COPB1: variants seen among roughly 807,000 people sequenced by gnomAD.
COPB1 encodes the protein coatomer subunit beta.
In COPB1, 21 loss-of-function variants were observed where a neutral mutation model predicts 108.7. That is an observed-to-expected ratio of 0.19 (90% CI 0.14 to 0.28). COPB1 has a LOEUF of 0.28. Among genes scored for constraint, COPB1 ranks in the 10% least tolerant of loss-of-function variants. The pLI is 1.00. For synonymous variants in COPB1, 378 were observed against 386.8 expected, an observed-to-expected ratio of 0.98 and a Z score of 0.27; for missense variants, 919 against 1,141.3, an observed-to-expected ratio of 0.81 and a Z score of 2.81.
intron 20 of COPB1, among the ~76,000 whole-genome samples, chr11:14,459,661 G>A (rs1850103058): frequency 6.6e-6 from 1 of 152,088 alleles, no homozygotes; most frequent in Non-Finnish European, 1.5e-5. Flanking sequence ...TGTCACCCAC[G>A]CTGGAATGCA....
rs1395234327 is a variant in COPB1 at position 14,457,748 on chromosome 11, G to A, written c.*76C>T. On this transcript the variant is annotated 3_prime_UTR_variant, in exon 22 of 22. Coordinates refer to ENST00000439561, the MANE Select transcript of COPB1 (RefSeq NM_001144061.2). The stretch of plus-strand genomic sequence containing the variant: ...ACTCAGATTCTATATAAGCATGAAA[G>A]AGTACAAAAGATGTTGGAGTCCAGT... 1.1e-6 allele frequency: 1 copy of A among 883,586 alleles called. No individual in the cohort carries two copies. Among genetic ancestry groups the A allele is most frequent in the African/African-American group, 1.7e-5 (1 of 60,194 alleles). The allele number at this position is 883,586 out of a possible 1,614,324, so 54.7% of individuals were successfully genotyped here.
intron 21 of COPB1, 98 bp downstream of exon 21, chr11:14,458,433 CT>C: frequency 8.4e-7 from 1 of 1,194,056 alleles, no homozygotes; most frequent in Non-Finnish European, 1.2e-6. Context: ...GTATATGCAT[CT>C]AATGCTAAAA....
intron 20 of COPB1, among the ~76,000 whole-genome samples, chr11:14,459,249 T>C (rs1850091173): frequency 2.4e-5 from 2 of 84,484 alleles, no homozygotes; most frequent in African/African-American, 9.2e-5. Context: ...ATATTCTGTT[T>C]ACTTAACTTG....
intron 18 of COPB1, among the ~76,000 whole-genome samples, chr11:14,461,797 T>G (rs1358020603): frequency 2.0e-5 from 3 of 152,196 alleles, no homozygotes; most frequent in Non-Finnish European, 4.4e-5. Flanking sequence ...TACTTAATGA[T>G]ACAAGATTAG....
In COPB1 at chr11:14,483,694, A is replaced by G. The variant is rs979908877; in HGVS notation, c.838-543T>C. 2.6e-5 allele frequency among the ~76,000 whole-genome samples: 4 copies of G among 152,190 alleles called. No individual in the cohort carries two copies. In the South Asian group the frequency reaches 8.3e-4, roughly 31 times the overall value. On this transcript the variant is annotated intron_variant, in intron 7 of 21. Transcript: ENST00000439561. ...TAGAATAAAATGTCCATACTGATAC[A>G]AAGAAAGAAGGAAGGAAAAGAAGGG...
intron 6 of COPB1, among the ~76,000 whole-genome samples, chr11:14,487,689 C>T (rs1286675988): frequency 1.3e-5 from 2 of 148,954 alleles, no homozygotes; most frequent in South Asian, 4.2e-4. Flanking sequence ...AAACAAAAAA[C>T]AACAAAAAAA....
chr11:14,497,749 G>A (rs972820508), intron 2 of COPB1, among the ~76,000 whole-genome samples: 2 of 152,172 alleles, frequency 1.3e-5, no homozygotes, highest in Non-Finnish European at 2.9e-5. Flanking sequence ...TCCTATGTTT[G>A]TTGCAGCACT....
chr11:14,479,538 G>A (rs369824188), intron 11 of COPB1, 31 bp downstream of exon 11: 277 of 1,573,282 alleles, frequency 1.8e-4, no homozygotes, highest in Non-Finnish European at 2.2e-4. Context: ...ATGCTTACTT[G>A]ACCTTACATT....
chr11:14,481,103 A>G lies in COPB1; in HGVS notation c.958-6T>C. 2 of 1,596,672 alleles carry G rather than the reference A, an allele frequency of 1.3e-6. No individual in the cohort carries two copies. The highest frequency in any genetic ancestry group is 1.7e-6 in the Non-Finnish European group (2 of 1,172,736). Reference sequence around the variant, plus strand: ...AGGATATCCATAACCAGATCCTAAAAAAGAAGAAAAAATCAAGAATTAACA... The same window carrying G: ...AGGATATCCATAACCAGATCCTAAAGAAGAAGAAAAAATCAAGAATTAACA... On this transcript the variant is annotated splice_region_variant and splice_polypyrimidine_tract_variant and intron_variant, in intron 8 of 21. Transcript: ENST00000439561.
At chr11:14,473,086 T>C (rs1361397863) in intron 14 of COPB1, among the ~76,000 whole-genome samples, 3 of 152,170 alleles carry the variant, frequency 2.0e-5, no homozygotes, top group African/African-American at 7.2e-5. Flanking sequence ...ACAATTCTCC[T>C]GCCTCAGCCT....
chr11:14,498,298 T>G (rs1851072612), intron 2 of COPB1, among the ~76,000 whole-genome samples: 1 of 152,230 alleles, frequency 6.6e-6, no homozygotes, highest in Admixed American at 6.5e-5. Context: ...ACATCTACTG[T>G]GTACCCCCAA....
intron 2 of COPB1, among the ~76,000 whole-genome samples, chr11:14,498,321 A>G (rs1851073248): frequency 1.3e-5 from 2 of 152,234 alleles, no homozygotes; most frequent in Admixed American, 1.3e-4. Flanking sequence ...ATTAAACATT[A>G]CAAAAAGTTC....
intron 1 of COPB1, 125 bp downstream of exon 1, chr11:14,499,582 G>GCACCCCCACCCGT (rs1851108629): frequency 9.0e-6 from 1 of 110,664 alleles, no homozygotes; most frequent in Non-Finnish European, 1.9e-5. Flanking sequence ...CCCCCACCCC[G>GCACCCCCACCCGT]ACCCGCACCC....
intron 12 of COPB1, 118 bp from the exon 13 acceptor site, chr11:14,476,063 G>A: frequency 2.5e-6 from 2 of 809,694 alleles, no homozygotes; most frequent in South Asian, 4.2e-5. Flanking sequence ...TTTGGAACTG[G>A]GAACTCTGCT....
At chr11:14,471,909 T>C (rs565501752) in intron 14 of COPB1, among the ~76,000 whole-genome samples, 3 of 151,978 alleles carry the variant, frequency 2.0e-5, no homozygotes, top group African/African-American at 4.8e-5. Flanking sequence ...GCAAGAAGAG[T>C]GAGACTCCGT....
intron 18 of COPB1, among the ~76,000 whole-genome samples, chr11:14,463,741 GTTC>G (rs1850217187): frequency 6.6e-6 from 1 of 152,164 alleles, no homozygotes; most frequent in Non-Finnish European, 1.5e-5. Flanking sequence ...TCTAAAGTTT[GTTC>G]TTCTCTCCTG....
intron 13 of COPB1, among the ~76,000 whole-genome samples, chr11:14,475,084 ACT>A (rs1850491314): frequency 8.1e-6 from 1 of 124,192 alleles, no homozygotes; most frequent in Non-Finnish European, 1.7e-5. Context: ...ACAGAGCAAG[ACT>A]CTGTGTCAAA....
At chr11:14,476,015 G>T in intron 12 of COPB1, 70 bp from the exon 13 acceptor site, 6 of 1,357,682 alleles carry the variant, frequency 4.4e-6, no homozygotes, top group Non-Finnish European at 5.9e-6. Context: ...TTAAATATTT[G>T]ATTGTTTCTC....
intron 14 of COPB1, 107 bp downstream of exon 14, chr11:14,474,388 T>C (rs2134106566): frequency 1.0e-6 from 1 of 988,754 alleles, no homozygotes; most frequent in Middle Eastern, 2.4e-4. Context: ...TCATAAACTC[T>C]TTCATGACAG....
Sources: gnomAD v4.1 joint callset for allele counts (sites outside exome capture counted in the v4.1 genomes callset) on GRCh38, gnomAD v4.1.1 for gene constraint, MANE v1.5 for transcripts, NCBI Gene and HGNC (gene_info 2026-07-23, HGNC 2026-07-21) for gene names.